The following SNTG1 variants were observed in gnomAD, a reference collection of about 807,000 sequenced individuals.
SNTG1 encodes syntrophin gamma 1.
Under a neutral mutation model 74.7 loss-of-function variants are expected in SNTG1, and 39 were observed. That is an observed-to-expected ratio of 0.52 (90% CI 0.40 to 0.68). The LOEUF (loss-of-function observed/expected upper bound fraction) is 0.68. SNTG1 is among the 30% of genes least tolerant of loss of function. The probability of loss-of-function intolerance (pLI) is 0.00; values close to 1 mark genes in which losing one functional copy is unlikely to be tolerated. For missense variants in SNTG1, 685 were observed against 609.5 expected, an observed-to-expected ratio of 1.12 and a Z score of -1.30; for synonymous variants, 254 against 217.1, an observed-to-expected ratio of 1.17 and a Z score of -1.49.
At chr8:50,389,968 A>C (rs1587437146) in intron 2 of SNTG1, among the ~76,000 whole-genome samples, 1 of 152,104 alleles carries the variant, frequency 6.6e-6, no homozygotes, top group Non-Finnish European at 1.5e-5. Flanking sequence ...AGTTCTTTGT[A>C]GGTTCTGGAT....
At chr8:49,957,536 A>G (rs1156285149) in intron 1 of SNTG1, among the ~76,000 whole-genome samples, 2 of 152,198 alleles carry the variant, frequency 1.3e-5, no homozygotes, top group East Asian at 3.9e-4. Context: ...ATGAGTGACA[A>G]GCAGGCAGAA....
chr8:50,664,219 C>T (rs532459112), intron 15 of SNTG1, among the ~76,000 whole-genome samples: 10 of 152,164 alleles, frequency 6.6e-5, no homozygotes, highest in Non-Finnish European at 1.0e-4. Context: ...AGTTATAGCA[C>T]GGAGTACATT....
At chr8:49,988,216 T>A (rs1196312044) in intron 1 of SNTG1, among the ~76,000 whole-genome samples, 2 of 152,112 alleles carry the variant, frequency 1.3e-5, no homozygotes, top group Non-Finnish European at 2.9e-5. Flanking sequence ...CGTGCAGAGT[T>A]GTTACAATAT....
chr8:50,338,001 T>C (rs1278278774), intron 2 of SNTG1, among the ~76,000 whole-genome samples: 1 of 151,858 alleles, frequency 6.6e-6, no homozygotes, highest in Non-Finnish European at 1.5e-5. Flanking sequence ...CCGGGCTTGG[T>C]GGCGGGCGCC....
chr8:50,178,195 A>G (rs1467714944), intron 2 of SNTG1, among the ~76,000 whole-genome samples: 3 of 152,222 alleles, frequency 2.0e-5, no homozygotes, highest in Admixed American at 6.5e-5. Flanking sequence ...GCTTAGTAGC[A>G]TAACTGCTGC....
chr8:50,699,808 G>A (rs994868648), intron 15 of SNTG1, among the ~76,000 whole-genome samples: 12 of 152,126 alleles, frequency 7.9e-5, no homozygotes, highest in Non-Finnish European at 1.0e-4. Flanking sequence ...GAAATGATAC[G>A]AATATTTATC....
intron 1 of SNTG1, among the ~76,000 whole-genome samples, chr8:49,964,325 C>T (rs1810955305): frequency 6.6e-6 from 1 of 152,148 alleles, no homozygotes; most frequent in Non-Finnish European, 1.5e-5. Context: ...TCATCTCTGC[C>T]CTGGGTCTGC....
intron 12 of SNTG1, among the ~76,000 whole-genome samples, chr8:50,585,099 C>T (rs138041684): frequency 4.6e-5 from 7 of 152,180 alleles, no homozygotes; most frequent in Non-Finnish European, 7.4e-5. Flanking sequence ...AAAACAAGAC[C>T]GTATGCTTTG....
chr8:50,541,522 T>C (rs2094346886), intron 11 of SNTG1, among the ~76,000 whole-genome samples: 1 of 152,242 alleles, frequency 6.6e-6, no homozygotes, highest in African/African-American at 2.4e-5. Flanking sequence ...TAACCTTATT[T>C]AATTCAATTT....
At chr8:50,376,970 A>C (rs2092399257) in intron 2 of SNTG1, among the ~76,000 whole-genome samples, 2 of 152,018 alleles carry the variant, frequency 1.3e-5, no homozygotes, top group Admixed American at 1.3e-4. Flanking sequence ...GGAAGCAGTG[A>C]AGGATTCAAC....
At chr8:50,695,131 G>T (rs996593917) in intron 15 of SNTG1, among the ~76,000 whole-genome samples, 6 of 151,350 alleles carry the variant, frequency 4.0e-5, no homozygotes, top group Non-Finnish European at 7.4e-5. Flanking sequence ...GACTGAAAAA[G>T]AAAATGCTAA....
At chr8:50,353,267 A>AG (rs1308534449) in intron 2 of SNTG1, among the ~76,000 whole-genome samples, 1 of 58,076 alleles carries the variant, frequency 1.7e-5, no homozygotes, top group Non-Finnish European at 3.3e-5. Flanking sequence ...AGGTGGGGGG[A>AG]GGGGGGAGGG....
intron 1 of SNTG1, among the ~76,000 whole-genome samples, chr8:49,919,004 G>A (rs1158509666): frequency 6.6e-6 from 1 of 152,116 alleles, no homozygotes; most frequent in Non-Finnish European, 1.5e-5. Context: ...GCATTCTTCA[G>A]TGTTGTCTTC....
At chr8:50,417,778 T>G (rs1316541771) in intron 4 of SNTG1, among the ~76,000 whole-genome samples, 5 of 152,256 alleles carry the variant, frequency 3.3e-5, no homozygotes, top group African/African-American at 1.2e-4. Flanking sequence ...CCCACTGCCA[T>G]TTATATCTAC....
intron 1 of SNTG1, among the ~76,000 whole-genome samples, chr8:50,142,788 C>T (rs2081714139): frequency 6.6e-6 from 1 of 152,064 alleles, no homozygotes. Flanking sequence ...AAATAAAGTC[C>T]ATGACCAGTG....
chr8:50,148,321 T>G (rs1036534447), intron 1 of SNTG1, among the ~76,000 whole-genome samples: 2 of 152,208 alleles, frequency 1.3e-5, no homozygotes, highest in African/African-American at 4.8e-5. Flanking sequence ...TTAATATCAC[T>G]ACTTTTGAGT....
At chr8:50,002,012 G>A (rs1585844320) in intron 1 of SNTG1, among the ~76,000 whole-genome samples, 1 of 152,080 alleles carries the variant, frequency 6.6e-6, no homozygotes, top group South Asian at 2.1e-4. Context: ...GTAGACTACC[G>A]CTGTTTCTGA....
chr8:50,012,303 A>G (rs1436999852), intron 1 of SNTG1, among the ~76,000 whole-genome samples: 1 of 152,096 alleles, frequency 6.6e-6, no homozygotes, highest in African/African-American at 2.4e-5. Context: ...ATGTCAATGG[A>G]ATGTGGATAT....
chr8:50,350,902 A>G (rs1033514598), intron 2 of SNTG1, among the ~76,000 whole-genome samples: 8 of 152,224 alleles, frequency 5.3e-5, no homozygotes, highest in Non-Finnish European at 1.0e-4. Flanking sequence ...GAATGAAAGC[A>G]GGCCGCCCAA....
Sources: allele counts gnomAD v4.1 joint callset (sites outside exome capture counted in the v4.1 genomes callset), GRCh38; gene constraint gnomAD v4.1.1; transcripts MANE v1.5; gene names NCBI Gene and HGNC (gene_info 2026-07-23, HGNC 2026-07-21).